MTMR2: variants seen among roughly 807,000 people sequenced by gnomAD.
MTMR2 encodes the protein myotubularin related protein 2, also known as phosphatidylinositol-3,5-bisphosphate 3-phosphatase MTMR2.
A neutral mutation model predicts 86.9 loss-of-function variants in MTMR2; 55 were observed. The observed-to-expected ratio is 0.63, with a 90% confidence interval of 0.51 to 0.79. MTMR2 has a LOEUF of 0.79. Ranked by LOEUF, MTMR2 falls within the 30% of genes least tolerant of loss-of-function variation. MTMR2 has a pLI of 0.00. For missense variants in MTMR2, 659 were observed against 772.3 expected (o/e 0.85, Z 1.74); for synonymous variants, 241 against 266.8 (o/e 0.90, Z 0.94).
chr11:95,904,296 T>C (rs886670737), intron 1 of MTMR2, among the ~76,000 whole-genome samples: 1 of 152,224 alleles, frequency 6.6e-6, no homozygotes, highest in Non-Finnish European at 1.5e-5. Flanking sequence ...GTATTATTTC[T>C]CTCATCTTAA....
chr11:95,860,454 TC>T (rs1649732232), intron 5 of MTMR2, among the ~76,000 whole-genome samples: 1 of 152,026 alleles, frequency 6.6e-6, no homozygotes, highest in African/African-American at 2.4e-5. Flanking sequence ...TAAGCCAAGA[TC>T]ACGCCACTGC....
intron 11 of MTMR2, among the ~76,000 whole-genome samples, chr11:95,842,451 G>T (rs1285920950): frequency 1.3e-5 from 2 of 152,148 alleles, no homozygotes; most frequent in Non-Finnish European, 2.9e-5. Context: ...TCTTCATCAG[G>T]AGGAACCATA....
Position 95,892,947 on chromosome 11 carries a change from G to A in MTMR2, c.81-4686C>T, listed in dbSNP as rs78184712. ...CCCACATGTAACAACGCCCAAAGATGAAACAAGCATTTTCCCAGCTGAACT... is the reference window on the plus strand; with the variant it reads ...CCCACATGTAACAACGCCCAAAGATAAAACAAGCATTTTCCCAGCTGAACT... On this transcript the variant is annotated intron_variant, in intron 1 of 14. Coordinates refer to ENST00000346299, the MANE Select transcript of MTMR2 (RefSeq NM_016156.6). 2.0e-5 allele frequency among the ~76,000 whole-genome samples: 3 copies of A among 152,206 alleles called. No homozygotes were observed. In the East Asian group the frequency reaches 5.8e-4, roughly 29 times the overall value.
intron 11 of MTMR2, among the ~76,000 whole-genome samples, chr11:95,842,410 G>A (rs1017058071): frequency 1.3e-5 from 2 of 152,128 alleles, no homozygotes; most frequent in African/African-American, 2.4e-5. Flanking sequence ...ACTGAGTGAA[G>A]GGTACCCCCT....
intron 1 of MTMR2, among the ~76,000 whole-genome samples, chr11:95,915,152 G>A (rs1866651865): frequency 6.6e-6 from 1 of 152,082 alleles, no homozygotes; most frequent in African/African-American, 2.4e-5. Flanking sequence ...TGGTAACAGA[G>A]AACAGAGAAC....
intron 1 of MTMR2, among the ~76,000 whole-genome samples, chr11:95,914,818 C>T (rs917503002): frequency 2.6e-5 from 4 of 152,060 alleles, no homozygotes; most frequent in African/African-American, 9.7e-5. Context: ...AGCACACAGA[C>T]CCTGAAGTCA....
At chr11:95,913,112 A>G (rs774422788) in intron 1 of MTMR2, 6 of 152,130 alleles carry the variant, frequency 3.9e-5, no homozygotes, top group Non-Finnish European at 8.8e-5. Context: ...AAGAAACAGT[A>G]TGTTTTTCAT....
intron 1 of MTMR2, 63 bp downstream of exon 1, chr11:95,923,812 C>A: frequency 6.5e-7 from 1 of 1,527,958 alleles, no homozygotes; most frequent in Non-Finnish European, 8.8e-7. Flanking sequence ...AACAATCCAG[C>A]AGGTCCCCGG....
intron 10 of MTMR2, among the ~76,000 whole-genome samples, chr11:95,846,778 C>T (rs1367017913): frequency 5.3e-5 from 8 of 152,144 alleles, no homozygotes; most frequent in African/African-American, 1.9e-4. Context: ...TTACACATCA[C>T]ATAATTTAAT....
intron 1 of MTMR2, chr11:95,923,653 A>G: frequency 1.4e-6 from 2 of 1,410,540 alleles, no homozygotes; most frequent in Non-Finnish European, 1.8e-6. Context: ...TCGGAATATG[A>G]AAGGTAGAGG....
At position 95,835,362 on chromosome 11, in the gene MTMR2, G is replaced by C; in HGVS notation, c.1860C>G (p.Asn620Lys). Residue 620 changes from asparagine to lysine, a missense_variant, in exon 15 of 15, where the codon AAC becomes AAG. Coordinates refer to ENST00000346299, the MANE Select transcript of MTMR2 (RefSeq NM_016156.6). Reference protein sequence around the residue: ...KVEELQREISNRSTSSSERAS... With the variant: ...KVEELQREISKRSTSSSERAS... ...CTCTCTCTGAGGATGAGGTTGATCG[G>C]TTAGAAATCTCTCTCTGTAGTTCCT... 7.4e-6 allele frequency: 12 copies of C among 1,613,154 alleles called. No homozygotes were observed. The highest frequency in any genetic ancestry group is 1.0e-5 in the Non-Finnish European group (12 of 1,179,362).
chr11:95,852,313 TTTTATATA>T (rs1166935997), intron 7 of MTMR2, among the ~76,000 whole-genome samples: 6 of 152,196 alleles, frequency 3.9e-5, no homozygotes, highest in African/African-American at 1.4e-4. Flanking sequence ...AATCTATCCT[TTTTATATA>T]AAAGTACATT....
Position 95,835,387 on chromosome 11 carries a change from T to C in MTMR2, c.1835A>G (p.Glu612Gly), listed in dbSNP as rs1406421115. ...AKRAELQKKV[E>G]ELQREISNRS... The stretch of plus-strand genomic sequence containing the variant: ...GTTAGAAATCTCTCTCTGTAGTTCC[T>C]CTACTTTTTTCTGAAGCTCTGCTCG... The change falls in exon 15 of 15, where the codon GAG becomes GGG. Residue 612 changes from glutamate (E) to glycine (G), a missense_variant. Transcript: ENST00000346299. 5.0e-6 allele frequency: 8 copies of C among 1,613,128 alleles called. No homozygotes were observed. In the African/African-American group the frequency reaches 9.3e-5, roughly 19 times the overall value.
At chr11:95,859,634 G>A (rs1156740697) in intron 5 of MTMR2, among the ~76,000 whole-genome samples, 1 of 152,034 alleles carries the variant, frequency 6.6e-6, no homozygotes, top group Admixed American at 6.6e-5. Context: ...AGGCCAGCCT[G>A]GGCAACATAG....
chr11:95,899,255 T>G (rs1865987238), intron 1 of MTMR2, among the ~76,000 whole-genome samples: 1 of 152,204 alleles, frequency 6.6e-6, no homozygotes, highest in African/African-American at 2.4e-5. Flanking sequence ...AGCAGCTGAC[T>G]TGACCTGAAA....
intron 1 of MTMR2, among the ~76,000 whole-genome samples, chr11:95,922,761 T>C (rs543983771): frequency 2.6e-5 from 4 of 152,258 alleles, no homozygotes; most frequent in Non-Finnish European, 5.9e-5. Flanking sequence ...CATATGGCAA[T>C]GTAGAATGAC....
chr11:95,862,166 T>C, intron 4 of MTMR2, 64 bp from the exon 5 acceptor site: 1 of 1,539,098 alleles, frequency 6.5e-7, no homozygotes, highest in South Asian at 1.1e-5. Context: ...ATAGAGCTGA[T>C]CAAAATCTTA....
At chr11:95,905,387 G>C (rs1866233268) in intron 1 of MTMR2, among the ~76,000 whole-genome samples, 1 of 149,572 alleles carries the variant, frequency 6.7e-6, no homozygotes, top group Non-Finnish European at 1.5e-5. Context: ...ACATACCACT[G>C]CTTAAAAACA....
rs181550166 is a variant in MTMR2 at position 95,906,197 on chromosome 11, C to A, written c.80+17678G>T. On this transcript the variant is annotated intron_variant, in intron 1 of 14. Transcript: ENST00000346299. ...CCGAGATAGTGCCATTACACTCCAG[C>A]CTAGGCAATACAGCGAGACTCTGTC... Among the ~76,000 whole-genome samples the A allele has an allele frequency of 1.5e-3, 233 of 152,240 alleles. 1 individual carries two copies. The highest frequency in any genetic ancestry group is 5.4e-3 in the African/African-American group (224 of 41,538).
Sources: gnomAD v4.1 joint callset for allele counts (sites outside exome capture counted in the v4.1 genomes callset) on GRCh38, gnomAD v4.1.1 for gene constraint, MANE v1.5 for transcripts, NCBI Gene and HGNC (gene_info 2026-07-23, HGNC 2026-07-21) for gene names.